Variants in FLRT2 observed in about 807,000 individuals in gnomAD.
FLRT2 encodes the protein fibronectin leucine rich transmembrane protein 2.
Under a neutral mutation model 40.0 loss-of-function variants are expected in FLRT2, and 15 were observed. The observed-to-expected ratio is 0.38, with a 90% confidence interval of 0.25 to 0.58. The LOEUF (loss-of-function observed/expected upper bound fraction) is 0.58. Among genes scored for constraint, FLRT2 ranks in the 20% least tolerant of loss-of-function variants. The pLI, the probability that FLRT2 is intolerant of heterozygous loss-of-function variation, is 0.71. For missense variants in FLRT2, 726 were observed against 840.0 expected (o/e 0.86, Z 1.68); for synonymous variants, 380 against 336.8 (o/e 1.13, Z -1.41).
chr14:85,537,905 T>C lies in FLRT2; in HGVS notation c.-377+7371T>C, dbSNP rs1045981865. Among the ~76,000 whole-genome samples the C allele has an allele frequency of 9.9e-5, 15 of 151,918 alleles. No homozygotes were observed. The East Asian group carries it at 1.4e-3, about 14-fold the overall frequency. On this transcript the variant is annotated intron_variant, in intron 1 of 1. Transcript: ENST00000330753. ...TACTGGTGTTTTTGGTTTTCTTTGA[T>C]TCCTTCTACTGTGGCTCTTTGAAGT...
At chr14:85,542,307 T>G (rs775547817) in intron 1 of FLRT2, among the ~76,000 whole-genome samples, 3 of 152,144 alleles carry the variant, frequency 2.0e-5, no homozygotes, top group Non-Finnish European at 4.4e-5. Context: ...TATAATTGCA[T>G]GTATGTATAG....
chr14:85,577,056 T>G (rs1358106170), intron 1 of FLRT2, among the ~76,000 whole-genome samples: 1 of 152,162 alleles, frequency 6.6e-6, no homozygotes, highest in Non-Finnish European at 1.5e-5. Context: ...AAATGGAAAT[T>G]CAAACCTCAA....
At position 85,621,182 on chromosome 14, in the gene FLRT2, G is replaced by T. The variant is rs896561624; in HGVS notation, c.-333G>T. ...CCAAGAAGTTCGTAGGCTAATCAAGGCTGGCTTGACCTACAAAAGAAGAAG... is the reference window on the plus strand; with the variant it reads ...CCAAGAAGTTCGTAGGCTAATCAAGTCTGGCTTGACCTACAAAAGAAGAAG... On this transcript the variant is annotated 5_prime_UTR_variant, in exon 2 of 2. Coordinates refer to ENST00000330753, the MANE Select transcript of FLRT2 (RefSeq NM_013231.6). 2 of 329,728 alleles carry T rather than the reference G, an allele frequency of 6.1e-6. No homozygotes were observed. The highest frequency in any genetic ancestry group is 4.4e-5 in the Admixed American group (1 of 22,486). The allele number at this position is 329,728 out of a possible 1,614,324, so 20.4% of individuals were successfully genotyped here.
rs1405067932 is a variant in FLRT2 at position 85,622,067 on chromosome 14, C to T, written c.553C>T (p.Leu185=). 1.2e-6 allele frequency: 2 copies of T among 1,613,918 alleles called. No individual in the cohort carries two copies. Among genetic ancestry groups the T allele is most frequent in the African/African-American group, 1.3e-5 (1 of 74,896 alleles). The change falls in exon 2 of 2, where the codon CTG becomes TTG. Residue 185 remains leucine (L), a synonymous_variant. Coordinates refer to ENST00000330753, the MANE Select transcript of FLRT2 (RefSeq NM_013231.6). ...TGGGCTTCCTGTGGACTTGCAAGAG[C>T]TGAGAGTGGATGAAAATCGAATTGC... is the stretch of plus-strand genomic sequence containing the variant. ...PVGLPVDLQE[L]RVDENRIAVI...
At chr14:85,608,179 T>G (rs1378613374) in intron 1 of FLRT2, among the ~76,000 whole-genome samples, 2 of 152,174 alleles carry the variant, frequency 1.3e-5, no homozygotes, top group African/African-American at 4.8e-5. Flanking sequence ...TGGGAACAGT[T>G]TAGTCCATTA....
Position 85,552,273 on chromosome 14 carries a change from G to A in FLRT2, c.-377+21739G>A, listed in dbSNP as rs372998395. 7.3e-4 allele frequency among the ~76,000 whole-genome samples: 111 copies of A among 152,226 alleles called. 3 individuals carry two copies. Among genetic ancestry groups the A allele is most frequent in the South Asian group, 5.2e-3 (25 of 4,820 alleles). ...TCTACTTGGGTTTGTAGGTACCTTCGCTGCTTCATAGCTTTGTTACCTTGG... is the reference window on the plus strand; with the variant it reads ...TCTACTTGGGTTTGTAGGTACCTTCACTGCTTCATAGCTTTGTTACCTTGG... On this transcript the variant is annotated intron_variant, in intron 1 of 1. Coordinates refer to ENST00000330753, the MANE Select transcript of FLRT2 (RefSeq NM_013231.6).
rs1894392256 is a variant in FLRT2 at position 85,649,891 on chromosome 14, G to C, written c.*26394G>C. The C allele has an allele frequency of 6.6e-6, 1 of 151,796 alleles. No individual in the cohort carries two copies. Among genetic ancestry groups the C allele is most frequent in the Non-Finnish European group, 1.5e-5 (1 of 67,902 alleles). 9.4% of individuals were successfully genotyped at this position (151,796 alleles called of 1,614,324 possible). ...TGAAGAATGAAGCATTTCTGTCCTA[G>C]GTGATTATAAAGTTTGTTGCTATAG... On this transcript the variant is annotated 3_prime_UTR_variant, in exon 2 of 2. Coordinates refer to ENST00000330753, the MANE Select transcript of FLRT2 (RefSeq NM_013231.6).
intron 1 of FLRT2, among the ~76,000 whole-genome samples, chr14:85,568,426 A>G (rs1414277438): frequency 6.6e-6 from 1 of 152,178 alleles, no homozygotes; most frequent in Admixed American, 6.5e-5. Context: ...TAAGGCGTTA[A>G]TACCAAGTCA....
At position 85,651,261 on chromosome 14, in the gene FLRT2, T is replaced by TTGTGTGTGTGTGTGTG. The variant is rs201674807; in HGVS notation, c.*27778_*27793dup. ...CATAGCCTGGAAAGTATTCGTTTGTTTGTGTGTGTGTGTGTGTGTGTGTGT... is the reference window on the plus strand; with the variant it reads ...CATAGCCTGGAAAGTATTCGTTTGTTTGTGTGTGTGTGTGTGTGTGTGTGTGTGTGTGTGTGTGTGT... On this transcript the variant is annotated 3_prime_UTR_variant, in exon 2 of 2. Transcript: ENST00000330753. The TTGTGTGTGTGTGTGTG allele has an allele frequency of 9.5e-6, 1 of 105,140 alleles. No homozygotes were observed. The highest frequency in any genetic ancestry group is 3.0e-5 in the African/African-American group (1 of 33,174). 6.5% of individuals were successfully genotyped at this position (105,140 alleles called of 1,614,324 possible). A position where few individuals can be genotyped will look rare whatever the true frequency, so the allele number is the denominator to read the frequency against.
In FLRT2 at chr14:85,623,020, C is replaced by G. The variant is rs116035750; in HGVS notation, c.1506C>G (p.Arg502=). Residue 502 remains arginine (R), a synonymous_variant, in exon 2 of 2, where the codon CGC becomes CGG. Transcript: ENST00000330753. ...TGCCACTGGATGCTTTTAACTACCG[C>G]GCGGTAGAAGACACCATTTGTTCAG... is the stretch of plus-strand genomic sequence containing the variant. ...CLVPLDAFNY[R]AVEDTICSEA... is the part of the protein sequence containing the mutation. 26 of 1,614,188 alleles carry G rather than the reference C, an allele frequency of 1.6e-5. No homozygotes were observed. The Middle Eastern group carries it at 4.9e-4, about 31-fold the overall frequency.
At chr14:85,616,450 T>G (rs2372977) in intron 1 of FLRT2, among the ~76,000 whole-genome samples, 1 of 152,246 alleles carries the variant, frequency 6.6e-6, no homozygotes, top group South Asian at 2.1e-4. Context: ...GTTTAATATC[T>G]TCTAGAAGCA....
rs1266118544 is a variant in FLRT2, at chr14:85,653,180, A to G, written c.*29683A>G. On this transcript the variant is annotated 3_prime_UTR_variant, in exon 2 of 2. Coordinates refer to ENST00000330753, the MANE Select transcript of FLRT2 (RefSeq NM_013231.6). ...ATTTGTGATCTGCTTGAGGACTTGT[A>G]CATAGATAGGCTCAAGATATTTTGA... is the stretch of plus-strand genomic sequence containing the variant. The G allele has an allele frequency of 1.3e-5, 2 of 152,200 alleles. No homozygotes were observed. Among genetic ancestry groups the G allele is most frequent in the Admixed American group, 6.6e-5 (1 of 15,266 alleles). The allele number at this position is 152,200 out of a possible 1,614,324, so 9.4% of individuals were successfully genotyped here. A position where few individuals can be genotyped will look rare whatever the true frequency, so the allele number is the denominator to read the frequency against.
rs1199244615 is a variant in FLRT2 at position 85,554,923 on chromosome 14, A to G, written c.-377+24389A>G. Among the ~76,000 whole-genome samples, 5 of 152,192 alleles carry G rather than the reference A, an allele frequency of 3.3e-5. No homozygotes were observed. In the South Asian group the frequency reaches 6.2e-4, roughly 19 times the overall value. ...CAGAGTCAGTGGTGGCATCTGTCAC[A>G]TGCCACTTCCGCAGAATGCACTGAT... On this transcript the variant is annotated intron_variant, in intron 1 of 1. Transcript: ENST00000330753.
At chr14:85,579,276 T>C (rs12587114) in intron 1 of FLRT2, among the ~76,000 whole-genome samples, 27,857 of 152,044 alleles carry the variant, frequency 0.18, 2,962 homozygotes, top group South Asian at 0.26. Flanking sequence ...CTCCTTCCTT[T>C]TTATGTATTT....
At chr14:85,603,947 C>T (rs1892497830) in intron 1 of FLRT2, among the ~76,000 whole-genome samples, 1 of 152,124 alleles carries the variant, frequency 6.6e-6, no homozygotes, top group South Asian at 2.1e-4. Context: ...GTAACTTTTC[C>T]TTGTGTCTTG....
intron 1 of FLRT2, among the ~76,000 whole-genome samples, chr14:85,600,926 C>A (rs1892353244): frequency 6.6e-6 from 1 of 152,060 alleles, no homozygotes; most frequent in Admixed American, 6.5e-5. Flanking sequence ...AATAGATGTT[C>A]GTTGAATGAC....
intron 1 of FLRT2, among the ~76,000 whole-genome samples, chr14:85,598,187 A>G (rs1179084192): frequency 6.6e-6 from 1 of 152,226 alleles, no homozygotes; most frequent in Non-Finnish European, 1.5e-5. Context: ...ACTTTGCATA[A>G]GTAGGCTCAT....
At chr14:85,540,745 A>C (rs1346901669) in intron 1 of FLRT2, among the ~76,000 whole-genome samples, 1 of 152,128 alleles carries the variant, frequency 6.6e-6, no homozygotes, top group East Asian at 1.9e-4. Context: ...GTTGATTAGT[A>C]CTTTAGCAGT....
rs563064833 is a variant in FLRT2, at chr14:85,616,571, G to T, written c.-376-4568G>T. Among the ~76,000 whole-genome samples the T allele has an allele frequency of 1.4e-3, 219 of 152,298 alleles. 2 individuals carry two copies. The highest frequency in any genetic ancestry group is 0.013 in the Admixed American group (196 of 15,306). On this transcript the variant is annotated intron_variant, in intron 1 of 1. Transcript: ENST00000330753. ...ATTCATCTCTGGCTTCACATTACAAGCAGCTTGGATCTGTGTGCAGAACTT... is the reference window on the plus strand; with the variant it reads ...ATTCATCTCTGGCTTCACATTACAATCAGCTTGGATCTGTGTGCAGAACTT...
Sources: gnomAD v4.1 joint callset for allele counts (sites outside exome capture counted in the v4.1 genomes callset) on GRCh38, gnomAD v4.1.1 for gene constraint, MANE v1.5 for transcripts, NCBI Gene and HGNC (gene_info 2026-07-23, HGNC 2026-07-21) for gene names.